ZDHHC17: variants seen among roughly 807,000 people sequenced by gnomAD.
ZDHHC17 encodes palmitoyltransferase ZDHHC17.
ZDHHC17 carries 40 observed loss-of-function variants against 90.3 expected under a neutral mutation model. That is an observed-to-expected ratio of 0.44 (90% CI 0.34 to 0.58). ZDHHC17 has a LOEUF of 0.58. Among genes scored for constraint, ZDHHC17 ranks in the 20% least tolerant of loss-of-function variants. The probability of loss-of-function intolerance (pLI) is 0.01; values close to 1 mark genes in which losing one functional copy is unlikely to be tolerated. For missense variants in ZDHHC17, 614 were observed against 780.8 expected (o/e 0.79, Z 2.55); for synonymous variants, 235 against 252.4 (o/e 0.93, Z 0.65).
intron 1 of ZDHHC17, among the ~76,000 whole-genome samples, chr12:76,780,580 C>T (rs1433602533): frequency 6.6e-6 from 1 of 152,182 alleles, no homozygotes; most frequent in Non-Finnish European, 1.5e-5. Context: ...GTTGTCTGTA[C>T]TTGCTGTTCC....
chr12:76,851,095 T>A lies in ZDHHC17; in HGVS notation c.*110T>A. 7.4e-7 allele frequency: 1 copy of A among 1,359,900 alleles called. No individual in the cohort carries two copies. Among genetic ancestry groups the A allele is most frequent in the Non-Finnish European group, 1.0e-6 (1 of 991,122 alleles). 84.2% of individuals were successfully genotyped at this position (1,359,900 alleles called of 1,614,324 possible). ...CCTTTGAACAAGAGCATGCTATGTG[T>A]AGGGCTAATGGTGAATTTTACAGTC... is the stretch of plus-strand genomic sequence containing the variant. On this transcript the variant is annotated 3_prime_UTR_variant, in exon 17 of 17. Transcript: ENST00000426126.
intron 1 of ZDHHC17, among the ~76,000 whole-genome samples, chr12:76,789,297 A>G (rs1259681702): frequency 2.0e-5 from 3 of 152,192 alleles, no homozygotes; most frequent in Non-Finnish European, 4.4e-5. Context: ...TATTTGTGCT[A>G]GGCTCTGTCC....
chr12:76,853,076 CTTTG>C lies in ZDHHC17; in HGVS notation c.*2097_*2100del, dbSNP rs940863819. The C allele has an allele frequency of 7.2e-5, 11 of 152,104 alleles. No individual in the cohort carries two copies. The highest frequency in any genetic ancestry group is 3.2e-3 in the Middle Eastern group (1 of 316). The allele number at this position is 152,104 out of a possible 1,614,324, so 9.4% of individuals were successfully genotyped here. A position where few individuals can be genotyped will look rare whatever the true frequency, so the allele number is the denominator to read the frequency against. On this transcript the variant is annotated 3_prime_UTR_variant, in exon 17 of 17. Coordinates refer to ENST00000426126, the MANE Select transcript of ZDHHC17 (RefSeq NM_015336.4). ...TGGCTAAGAATGTTGTTACCATCTT[CTTTG>C]TTTGTGGTACAATATTTTCAGTGCA... is the stretch of plus-strand genomic sequence containing the variant.
chr12:76,789,561 G>A (rs1041226088), intron 1 of ZDHHC17, among the ~76,000 whole-genome samples: 1 of 152,058 alleles, frequency 6.6e-6, no homozygotes, highest in Non-Finnish European at 1.5e-5. Context: ...TGGTTGAAAG[G>A]AATACTTACA....
intron 1 of ZDHHC17, among the ~76,000 whole-genome samples, chr12:76,789,570 C>A (rs1414458574): frequency 2.0e-5 from 3 of 151,774 alleles, no homozygotes; most frequent in East Asian, 1.9e-4. Context: ...GGAATACTTA[C>A]AAAAACTATG....
intron 1 of ZDHHC17, among the ~76,000 whole-genome samples, chr12:76,791,732 A>G: frequency 6.6e-6 from 1 of 152,188 alleles, no homozygotes; most frequent in South Asian, 2.1e-4. Flanking sequence ...TGAAGTCCCC[A>G]CTTCAGATGC....
At chr12:76,843,443 T>C (rs1306213954) in intron 12 of ZDHHC17, among the ~76,000 whole-genome samples, 1 of 152,022 alleles carries the variant, frequency 6.6e-6, no homozygotes, top group Non-Finnish European at 1.5e-5. Flanking sequence ...TGTTTTGTTT[T>C]GTATCAGAAT....
intron 12 of ZDHHC17, chr12:76,845,362 G>A (rs1041546211): frequency 6.5e-6 from 1 of 154,496 alleles, no homozygotes; most frequent in African/African-American, 2.4e-5. Context: ...TTAGAAGACT[G>A]GAGATTGATA....
intron 1 of ZDHHC17, among the ~76,000 whole-genome samples, chr12:76,792,149 C>T (rs902201221): frequency 2.0e-5 from 3 of 152,114 alleles, no homozygotes; most frequent in Non-Finnish European, 4.4e-5. Context: ...CACCAGCCCC[C>T]TCCTGAGTTT....
chr12:76,846,034 A>G (rs554944265), intron 13 of ZDHHC17, among the ~76,000 whole-genome samples: 1 of 152,278 alleles, frequency 6.6e-6, no homozygotes, highest in Admixed American at 6.5e-5. Flanking sequence ...TACTCTTGAT[A>G]AGGAGGCAAA....
intron 8 of ZDHHC17, among the ~76,000 whole-genome samples, chr12:76,823,479 C>T (rs1029123915): frequency 6.6e-6 from 1 of 152,094 alleles, no homozygotes; most frequent in Non-Finnish European, 1.5e-5. Context: ...ATCTTATTTC[C>T]CACAAAAAAG....
intron 10 of ZDHHC17, among the ~76,000 whole-genome samples, chr12:76,834,604 A>C (rs1953342353): frequency 6.6e-6 from 1 of 152,166 alleles, no homozygotes; most frequent in East Asian, 1.9e-4. Flanking sequence ...TCAGTTATCC[A>C]ATCACCACTT....
chr12:76,793,485 A>AC (rs1332879673), intron 1 of ZDHHC17, among the ~76,000 whole-genome samples: 1 of 152,168 alleles, frequency 6.6e-6, no homozygotes, highest in African/African-American at 2.4e-5. Flanking sequence ...ATGCCACTGC[A>AC]CTCCAGCCTG....
At chr12:76,831,154 ATAG>A (rs1299994216) in intron 10 of ZDHHC17, among the ~76,000 whole-genome samples, 6 of 152,326 alleles carry the variant, frequency 3.9e-5, no homozygotes, top group African/African-American at 1.4e-4. Context: ...AGGGGAGATA[ATAG>A]TAGCACTGTC....
chr12:76,831,338 G>C (rs960071977), intron 10 of ZDHHC17, among the ~76,000 whole-genome samples: 2 of 151,722 alleles, frequency 1.3e-5, no homozygotes, highest in African/African-American at 2.4e-5. Context: ...TTTTGTGTTG[G>C]GTTTTGTTTT....
intron 10 of ZDHHC17, among the ~76,000 whole-genome samples, chr12:76,836,708 C>A (rs1341933510): frequency 1.3e-5 from 2 of 152,114 alleles, no homozygotes. Context: ...TTGGGTTGCT[C>A]AAGTCACTGT....
At chr12:76,801,226 T>A (rs762734539) in intron 2 of ZDHHC17, among the ~76,000 whole-genome samples, 1 of 151,266 alleles carries the variant, frequency 6.6e-6, no homozygotes, top group Non-Finnish European at 1.5e-5. Context: ...TTTTTCCCTC[T>A]CATTTCCTGC....
chr12:76,832,890 G>A (rs1270489370), intron 10 of ZDHHC17, among the ~76,000 whole-genome samples: 1 of 152,200 alleles, frequency 6.6e-6, no homozygotes, highest in Non-Finnish European at 1.5e-5. Context: ...TGCACATTTG[G>A]TGACTCAAAT....
At chr12:76,807,598 A>ATGAAAAGT (rs1952969542) in intron 3 of ZDHHC17, among the ~76,000 whole-genome samples, 1 of 152,230 alleles carries the variant, frequency 6.6e-6, no homozygotes. Flanking sequence ...GAAGTTTACA[A>ATGAAAAGT]TGAAAAGTAA....
Sources: gnomAD v4.1 joint callset for allele counts (sites outside exome capture counted in the v4.1 genomes callset) on GRCh38, gnomAD v4.1.1 for gene constraint, MANE v1.5 for transcripts, NCBI Gene and HGNC (gene_info 2026-07-23, HGNC 2026-07-21) for gene names.